The following C1QTNF7 variants were observed in gnomAD, a reference collection of about 807,000 sequenced individuals.
C1QTNF7 encodes the protein C1q and TNF related 7, also known as complement C1q tumor necrosis factor-related protein 7.
A neutral mutation model predicts 19.6 loss-of-function variants in C1QTNF7; 15 were observed. That is an observed-to-expected ratio of 0.76 (90% CI 0.51 to 1.18). The LOEUF (loss-of-function observed/expected upper bound fraction) is 1.18. C1QTNF7 is among the 50% of genes most tolerant of loss of function. The pLI, the probability that C1QTNF7 is intolerant of heterozygous loss-of-function variation, is 0.00. For missense variants in C1QTNF7, 324 were observed against 359.7 expected (o/e 0.90, Z 0.80); for synonymous variants, 142 against 137.5 (o/e 1.03, Z -0.23).
intron 1 of C1QTNF7, among the ~76,000 whole-genome samples, chr4:15,386,590 G>A (rs1269643643): frequency 6.6e-6 from 1 of 152,186 alleles, no homozygotes; most frequent in Non-Finnish European, 1.5e-5. Flanking sequence ...GGTTTGGTCT[G>A]CAATTTTAAA....
chr4:15,389,295 A>G lies in C1QTNF7; in HGVS notation c.14-46441A>G, dbSNP rs1718465133. ...GTGTGATGAGAGCCCCCAGTGGCCT[A>G]AAGGCAGGGCATGCTGGTGAGGCTG... On this transcript the variant is annotated intron_variant, in intron 1 of 2. Coordinates refer to the C1QTNF7 transcript ENST00000295297. Among the ~76,000 whole-genome samples the G allele has an allele frequency of 2.6e-5, 4 of 152,180 alleles. No individual in the cohort carries two copies. In the South Asian group the frequency reaches 8.3e-4, roughly 32 times the overall value.
chr4:15,431,924 T>C (rs1321809355), intron 1 of C1QTNF7, among the ~76,000 whole-genome samples: 3 of 152,072 alleles, frequency 2.0e-5, no homozygotes, highest in Non-Finnish European at 4.4e-5. Context: ...AAAAGGAAGG[T>C]CATGGGCAGA....
chr4:15,388,873 G>A (rs1718446376), intron 1 of C1QTNF7, among the ~76,000 whole-genome samples: 1 of 152,208 alleles, frequency 6.6e-6, no homozygotes, highest in South Asian at 2.1e-4. Flanking sequence ...GGACTAGTGA[G>A]TGGTGTAGAC....
intron 1 of C1QTNF7, among the ~76,000 whole-genome samples, chr4:15,432,960 C>A (rs1456859239): frequency 6.6e-6 from 1 of 152,116 alleles, no homozygotes; most frequent in Non-Finnish European, 1.5e-5. Flanking sequence ...GCTTCCTTTG[C>A]CCACCATCAA....
chr4:15,412,316 T>TCCCACC (rs1293965059), intron 1 of C1QTNF7, among the ~76,000 whole-genome samples: 1 of 151,664 alleles, frequency 6.6e-6, no homozygotes, highest in Non-Finnish European at 1.5e-5. Context: ...CTAAACCATC[T>TCCCACC]CCCACCCCCA....
intron 1 of C1QTNF7, among the ~76,000 whole-genome samples, chr4:15,370,971 G>A (rs1047915805): frequency 2.6e-5 from 4 of 152,218 alleles, no homozygotes; most frequent in African/African-American, 9.6e-5. Flanking sequence ...ACAACATGCT[G>A]TCATTCCGTT....
At chr4:15,368,169 C>T (rs1205662010) in intron 1 of C1QTNF7, among the ~76,000 whole-genome samples, 1 of 152,110 alleles carries the variant, frequency 6.6e-6, no homozygotes, top group African/African-American at 2.4e-5. Context: ...GCAGTATAGA[C>T]TCTTTGTGTC....
At position 15,443,029 on chromosome 4, in the gene C1QTNF7, A is replaced by G; in HGVS notation, c.*230A>G. Reference sequence around the variant, plus strand: ...ATAAATTCTCTTGAAAGCAATGTTCATAAATATTTAAGCAAATTAAAGACA... The same window carrying G: ...ATAAATTCTCTTGAAAGCAATGTTCGTAAATATTTAAGCAAATTAAAGACA... On this transcript the variant is annotated 3_prime_UTR_variant, in exon 3 of 3. Coordinates refer to ENST00000444304, the MANE Select transcript of C1QTNF7 (RefSeq NM_031911.5). 2.8e-6 allele frequency: 1 copy of G among 363,484 alleles called. No homozygotes were observed. Among genetic ancestry groups the G allele is most frequent in the Non-Finnish European group, 4.8e-6 (1 of 207,238 alleles). The allele number at this position is 363,484 out of a possible 1,614,324, so 22.5% of individuals were successfully genotyped here. A position where few individuals can be genotyped will look rare whatever the true frequency, so the allele number is the denominator to read the frequency against.
intron 1 of C1QTNF7, among the ~76,000 whole-genome samples, chr4:15,413,914 A>C (rs749077947): frequency 6.6e-6 from 1 of 152,246 alleles, no homozygotes; most frequent in Non-Finnish European, 1.5e-5. Context: ...AGAGCAACCT[A>C]GAGTCAAAGA....
intron 1 of C1QTNF7, among the ~76,000 whole-genome samples, chr4:15,431,749 C>G (rs1247994132): frequency 6.6e-6 from 1 of 152,134 alleles, no homozygotes; most frequent in African/African-American, 2.4e-5. Context: ...TTGGGTTAAG[C>G]CCTGCTGTAA....
chr4:15,425,519 A>T (rs1252257864), upstream of C1QTNF7, among the ~76,000 whole-genome samples: 1 of 152,194 alleles, frequency 6.6e-6, no homozygotes, highest in African/African-American at 2.4e-5. Flanking sequence ...TCAATTCCTA[A>T]CAGAACCCAG....
At chr4:15,355,104 G>T (rs938841200) in intron 1 of C1QTNF7, among the ~76,000 whole-genome samples, 2 of 152,136 alleles carry the variant, frequency 1.3e-5, no homozygotes, top group Admixed American at 6.5e-5. Context: ...GGACAAGCTT[G>T]CTCAGTTGCA....
chr4:15,388,495 G>C (rs550614553), intron 1 of C1QTNF7, among the ~76,000 whole-genome samples: 4 of 152,290 alleles, frequency 2.6e-5, no homozygotes, highest in East Asian at 1.9e-4. Context: ...ACAAATTAAA[G>C]GTACAGTGTG....
intron 1 of C1QTNF7, among the ~76,000 whole-genome samples, chr4:15,342,571 A>G (rs1176762776): frequency 6.6e-6 from 1 of 152,214 alleles, no homozygotes; most frequent in African/African-American, 2.4e-5. Flanking sequence ...CGTCCCACAA[A>G]GCTGTCCTTG....
intron 1 of C1QTNF7, among the ~76,000 whole-genome samples, chr4:15,351,369 A>T (rs1487888393): frequency 6.6e-6 from 1 of 152,126 alleles, no homozygotes; most frequent in African/African-American, 2.4e-5. Flanking sequence ...CCATAGTAAC[A>T]ACTAAAACTG....
At chr4:15,349,401 A>G (rs138572535) in intron 1 of C1QTNF7, among the ~76,000 whole-genome samples, 241 of 152,286 alleles carry the variant, frequency 1.6e-3, no homozygotes, top group Admixed American at 3.5e-3. Context: ...GGCCTAGCAC[A>G]GTGCCCGGGA....
intron 1 of C1QTNF7, among the ~76,000 whole-genome samples, chr4:15,434,853 C>T (rs1026769916): frequency 1.3e-5 from 2 of 152,134 alleles, no homozygotes; most frequent in Non-Finnish European, 2.9e-5. Flanking sequence ...AGCCCCAGTG[C>T]TAACAGCTTA....
Position 15,442,950 on chromosome 4 carries a change from A to G in C1QTNF7, c.*151A>G, listed in dbSNP as rs1020991411. The G allele has an allele frequency of 1.3e-6, 1 of 792,620 alleles. No individual in the cohort carries two copies. Among genetic ancestry groups the G allele is most frequent in the Non-Finnish European group, 1.9e-6 (1 of 539,856 alleles). 49.1% of individuals were successfully genotyped at this position (792,620 alleles called of 1,614,324 possible). A position where few individuals can be genotyped will look rare whatever the true frequency, so the allele number is the denominator to read the frequency against. ...AGAATTTATCAAAACAAGATGAAAC[A>G]CAGAAAAGTTGAAACCACAACAAAA... is the stretch of plus-strand genomic sequence containing the variant. On this transcript the variant is annotated 3_prime_UTR_variant, in exon 3 of 3. Transcript: ENST00000444304.
At chr4:15,428,764 C>A (rs1207603555) in intron 1 of C1QTNF7, among the ~76,000 whole-genome samples, 1 of 152,182 alleles carries the variant, frequency 6.6e-6, no homozygotes, top group Non-Finnish European at 1.5e-5. Flanking sequence ...AATCACAGTG[C>A]CACTCCCAGT....
Sources: gnomAD v4.1 joint callset for allele counts (sites outside exome capture counted in the v4.1 genomes callset) on GRCh38, gnomAD v4.1.1 for gene constraint, MANE v1.5 for transcripts, NCBI Gene and HGNC (gene_info 2026-07-23, HGNC 2026-07-21) for gene names.